Variants in ZCCHC4 observed in about 807,000 individuals in gnomAD.
The protein encoded by ZCCHC4 is zinc finger CCHC-type containing 4.
Under a neutral mutation model 67.7 loss-of-function variants are expected in ZCCHC4, and 54 were observed. The observed-to-expected ratio is 0.80, with a 90% CI of 0.64 to 1.00. The LOEUF is 1.00. ZCCHC4 is among the 50% of genes least tolerant of loss of function. The pLI, the probability that ZCCHC4 is intolerant of heterozygous loss-of-function variation, is 0.00. For missense variants in ZCCHC4, 609 were observed against 617.0 expected (o/e 0.99, Z 0.14); for synonymous variants, 198 against 213.5 (o/e 0.93, Z 0.63).
intron 3 of ZCCHC4, among the ~76,000 whole-genome samples, chr4:25,326,329 C>A (rs1408164843): frequency 6.6e-6 from 1 of 152,232 alleles, no homozygotes; most frequent in Non-Finnish European, 1.5e-5. Flanking sequence ...TATGTTGAGT[C>A]TACCCAGATG....
At chr4:25,346,084 C>T (rs985765113) in intron 6 of ZCCHC4, among the ~76,000 whole-genome samples, 4 of 152,124 alleles carry the variant, frequency 2.6e-5, no homozygotes, top group Admixed American at 6.6e-5. Flanking sequence ...CAGCCTCCCC[C>T]GACCCCTACT....
At chr4:25,348,565 C>T (rs1391728542) in intron 6 of ZCCHC4, among the ~76,000 whole-genome samples, 1 of 152,056 alleles carries the variant, frequency 6.6e-6, no homozygotes, top group African/African-American at 2.4e-5. Flanking sequence ...ACCATAGAGT[C>T]TAAGAACTAT....
intron 3 of ZCCHC4, among the ~76,000 whole-genome samples, chr4:25,318,658 A>T (rs1718409904): frequency 1.3e-5 from 2 of 152,038 alleles, no homozygotes; most frequent in South Asian, 4.2e-4. Flanking sequence ...CCAGGCCTAA[A>T]CCACTGTTCT....
chr4:25,330,100 C>T (rs1410389536), intron 3 of ZCCHC4, among the ~76,000 whole-genome samples: 3 of 152,146 alleles, frequency 2.0e-5, no homozygotes, highest in Non-Finnish European at 4.4e-5. Context: ...AAGTGATTCT[C>T]CTGCCTTGGC....
intron 8 of ZCCHC4, among the ~76,000 whole-genome samples, chr4:25,354,905 CT>C (rs61156499): frequency 0.17 from 17,214 of 100,984 alleles, 557 homozygotes; most frequent in African/African-American, 0.25. Context: ...TTGATTAGGC[CT>C]TTTTTTTTTT....
chr4:25,369,262 G>C lies in ZCCHC4; in HGVS notation c.*98G>C, dbSNP rs751040559. On this transcript the variant is annotated 3_prime_UTR_variant, in exon 13 of 13. Coordinates refer to ENST00000302874, the MANE Select transcript of ZCCHC4 (RefSeq NM_024936.3). ...GGACTTAAATTCAGCTGCTTCCAGA[G>C]GTGTGCACCTTTCTGAGCTAGATAA... 5.9e-6 allele frequency: 9 copies of C among 1,532,648 alleles called. No homozygotes were observed. In the African/African-American group the frequency reaches 1.3e-4, roughly 22 times the overall value. The allele number at this position is 1,532,648 out of a possible 1,614,324, so 94.9% of individuals were successfully genotyped here. A position where few individuals can be genotyped will look rare whatever the true frequency, so the allele number is the denominator to read the frequency against.
intron 11 of ZCCHC4, 57 bp downstream of exon 11, chr4:25,364,562 C>A: frequency 2.2e-6 from 3 of 1,368,672 alleles, no homozygotes; most frequent in Admixed American, 2.4e-5. Context: ...AGTTTTTCTC[C>A]ATCTAAATAG....
In ZCCHC4 at chr4:25,349,648, T is replaced by C. The variant is rs1352659650; in HGVS notation, c.910+6T>C. The C allele has an allele frequency of 2.5e-6, 4 of 1,612,896 alleles. No individual in the cohort carries two copies. The highest frequency in any genetic ancestry group is 3.4e-6 in the Non-Finnish European group (4 of 1,179,458). ...GAAAGAAGGTCAAAGCCAAGGTGTA[T>C]AATTTATTACTGCAAAATAAATACA... On this transcript the variant is annotated splice_donor_region_variant and intron_variant, in intron 7 of 12. Coordinates refer to ENST00000302874, the MANE Select transcript of ZCCHC4 (RefSeq NM_024936.3).
At chr4:25,364,553 GT>G in intron 11 of ZCCHC4, 48 bp downstream of exon 11, 1 of 1,427,258 alleles carries the variant, frequency 7.0e-7, no homozygotes, top group Non-Finnish European at 9.5e-7. Context: ...ATATTTTAGA[GT>G]TTTTCTCCAT....
intron 2 of ZCCHC4, among the ~76,000 whole-genome samples, chr4:25,314,810 A>G (rs1718165525): frequency 6.6e-6 from 1 of 152,232 alleles, no homozygotes. Flanking sequence ...TGCTCACTAA[A>G]GAGAAATCAT....
chr4:25,342,459 A>G (rs1476924358), intron 5 of ZCCHC4, among the ~76,000 whole-genome samples: 2 of 152,172 alleles, frequency 1.3e-5, no homozygotes, highest in East Asian at 3.8e-4. Context: ...GCTAAGATGG[A>G]TTTCTATATG....
chr4:25,327,837 C>T (rs1718971001), intron 3 of ZCCHC4, among the ~76,000 whole-genome samples: 1 of 152,100 alleles, frequency 6.6e-6, no homozygotes. Flanking sequence ...TTTTGGGGGG[C>T]ACCTAATGAA....
chr4:25,351,790 T>C, intron 8 of ZCCHC4, 101 bp downstream of exon 8: 1 of 1,123,626 alleles, frequency 8.9e-7, no homozygotes, highest in Non-Finnish European at 1.3e-6. Context: ...CAATGAGCTG[T>C]ATTAAACACT....
chr4:25,361,589 C>A (rs548760981), intron 8 of ZCCHC4: 2 of 396,744 alleles, frequency 5.0e-6, no homozygotes, highest in Non-Finnish European at 9.1e-6. Context: ...CCCATGTGGG[C>A]TTGCACCCAC....
chr4:25,362,229 T>C lies in ZCCHC4; in HGVS notation c.1137T>C (p.Phe379=). The C allele has an allele frequency of 6.2e-7, 1 of 1,609,722 alleles. No individual in the cohort carries two copies. Among genetic ancestry groups the C allele is most frequent in the Non-Finnish European group, 8.5e-7 (1 of 1,177,832 alleles). ...ATTTCTCTGTCCTTTACTCTAGATT[T>C]TGCTCTCCGTGTCAACGGTATGTTT... ...IILPTEEGYR[F]CSPCQRYVSL... Residue 379 remains phenylalanine, a synonymous_variant, in exon 10 of 13, where the codon TTT becomes TTC. Transcript: ENST00000302874.
At chr4:25,350,276 T>TTTTTTTG (rs1317157713) in intron 7 of ZCCHC4, among the ~76,000 whole-genome samples, 1 of 146,434 alleles carries the variant, frequency 6.8e-6, no homozygotes, top group African/African-American at 2.6e-5. Flanking sequence ...TTTTTTTTTT[T>TTTTTTTG]TTGAGACAGA....
intron 3 of ZCCHC4, among the ~76,000 whole-genome samples, chr4:25,321,115 T>C (rs1718558872): frequency 6.6e-6 from 1 of 152,210 alleles, no homozygotes; most frequent in South Asian, 2.1e-4. Flanking sequence ...TCTAAAGGCC[T>C]TAATTATTGT....
intron 5 of ZCCHC4, among the ~76,000 whole-genome samples, chr4:25,344,941 C>T (rs888984894): frequency 5.3e-5 from 8 of 151,720 alleles, no homozygotes; most frequent in African/African-American, 1.7e-4. Context: ...TAGCTGGGAC[C>T]GTAGGCATGC....
intron 5 of ZCCHC4, among the ~76,000 whole-genome samples, chr4:25,343,989 TGA>T (rs1719873779): frequency 6.6e-6 from 1 of 152,148 alleles, no homozygotes; most frequent in East Asian, 1.9e-4. Flanking sequence ...AAAATCCTAT[TGA>T]GATAACAAAA....
Sources: allele counts gnomAD v4.1 joint callset (sites outside exome capture counted in the v4.1 genomes callset), GRCh38; gene constraint gnomAD v4.1.1; transcripts MANE v1.5; gene names NCBI Gene and HGNC (gene_info 2026-07-23, HGNC 2026-07-21).